The following KLHL32 variants were observed in gnomAD, a reference collection of about 807,000 sequenced individuals.
KLHL32 encodes the protein kelch-like protein 32.
A neutral mutation model predicts 64.8 loss-of-function variants in KLHL32; 35 were observed. The ratio of observed to expected loss-of-function variants is 0.54; its 90% CI spans 0.41 to 0.72. The LOEUF (loss-of-function observed/expected upper bound fraction) is 0.72, where lower values mean the gene tolerates loss of function less well. KLHL32 is among the 30% of genes least tolerant of loss of function. The probability of loss-of-function intolerance (pLI) is 0.00; values close to 1 mark genes in which losing one functional copy is unlikely to be tolerated. For missense variants in KLHL32, 589 were observed against 768.5 expected, an observed-to-expected ratio of 0.77 and a Z score of 2.76; for synonymous variants, 259 against 281.0, an observed-to-expected ratio of 0.92 and a Z score of 0.78.
At chr6:97,026,889 C>T (rs1047130195) in intron 3 of KLHL32, among the ~76,000 whole-genome samples, 6 of 151,996 alleles carry the variant, frequency 3.9e-5, no homozygotes, top group African/African-American at 7.2e-5. Flanking sequence ...CAGGGCTGGG[C>T]GTAGTGGCTT....
upstream of KLHL32, among the ~76,000 whole-genome samples, chr6:96,921,730 G>C (rs1406788086): frequency 6.6e-6 from 1 of 152,188 alleles, no homozygotes. Context: ...TCATGATGTA[G>C]TTTTAGCTAG....
At chr6:96,939,890 T>C (rs979168006) in intron 1 of KLHL32, among the ~76,000 whole-genome samples, 9 of 151,996 alleles carry the variant, frequency 5.9e-5, no homozygotes, top group African/African-American at 1.9e-4. Flanking sequence ...TCAAAGGTCA[T>C]AGAAGTAGCT....
At chr6:97,059,827 G>T (rs1178528539) in intron 4 of KLHL32, among the ~76,000 whole-genome samples, 1 of 151,964 alleles carries the variant, frequency 6.6e-6, no homozygotes, top group Admixed American at 6.6e-5. Context: ...AGCTATTTAT[G>T]CTGTTGTATC....
chr6:96,919,642 T>C (rs1453137038), upstream of KLHL32, among the ~76,000 whole-genome samples: 8 of 152,190 alleles, frequency 5.3e-5, no homozygotes, highest in African/African-American at 1.7e-4. Flanking sequence ...AAAAGTGTTA[T>C]AATAGCCACT....
intron 4 of KLHL32, among the ~76,000 whole-genome samples, chr6:97,051,148 G>A (rs1786837868): frequency 6.6e-6 from 1 of 152,240 alleles, no homozygotes; most frequent in Non-Finnish European, 1.5e-5. Context: ...CATGCACACT[G>A]ATAACACTGT....
chr6:97,058,890 C>G (rs116550160), intron 4 of KLHL32, among the ~76,000 whole-genome samples: 3,075 of 152,316 alleles, frequency 0.02, 112 homozygotes, highest in African/African-American at 0.07. Context: ...TTTGTTTAAG[C>G]TGCTTTGTTA....
intron 6 of KLHL32, among the ~76,000 whole-genome samples, chr6:97,100,227 TC>T: frequency 6.6e-6 from 1 of 152,284 alleles, no homozygotes; most frequent in African/African-American, 2.4e-5. Flanking sequence ...GATTCATAGT[TC>T]CCTAGTTTTT....
intron 1 of KLHL32, among the ~76,000 whole-genome samples, chr6:96,938,789 A>G (rs1770928303): frequency 6.6e-6 from 1 of 152,056 alleles, no homozygotes; most frequent in South Asian, 2.1e-4. Context: ...GGACAGTTAC[A>G]CCCACCCTGC....
intron 3 of KLHL32, among the ~76,000 whole-genome samples, chr6:97,020,548 G>A (rs1231005756): frequency 6.6e-6 from 1 of 150,722 alleles, no homozygotes; most frequent in Non-Finnish European, 1.5e-5. Context: ...CTTAATAGCT[G>A]ATTCCTATAT....
the KLHL32 span, among the ~76,000 whole-genome samples, chr6:96,908,222 G>A: frequency 1.3e-5 from 2 of 152,174 alleles, no homozygotes; most frequent in Non-Finnish European, 2.9e-5. Context: ...GAAATTTCAA[G>A]ATAAGTCAAA....
chr6:97,132,802 T>C (rs374656737), intron 10 of KLHL32, 55 bp downstream of exon 10: 2 of 1,231,606 alleles, frequency 1.6e-6, no homozygotes, highest in African/African-American at 3.1e-5. Context: ...CGAGGTTACA[T>C]TTTGCAATGC....
chr6:97,024,576 T>C (rs976159351), intron 3 of KLHL32, among the ~76,000 whole-genome samples: 4 of 152,216 alleles, frequency 2.6e-5, no homozygotes, highest in Non-Finnish European at 5.9e-5. Flanking sequence ...AGAGCCATCA[T>C]CATATTCTTC....
chr6:96,970,554 C>T (rs1774999810), intron 2 of KLHL32, among the ~76,000 whole-genome samples: 1 of 152,204 alleles, frequency 6.6e-6, no homozygotes, highest in Non-Finnish European at 1.5e-5. Context: ...AACTGCCCTA[C>T]TACACTGAAT....
At chr6:97,051,706 C>T (rs1786935244) in intron 4 of KLHL32, among the ~76,000 whole-genome samples, 1 of 152,116 alleles carries the variant, frequency 6.6e-6, no homozygotes, top group Non-Finnish European at 1.5e-5. Flanking sequence ...TTCGATCCTT[C>T]CTTTAGGTGC....
At chr6:97,054,008 T>C (rs1192835174) in intron 4 of KLHL32, among the ~76,000 whole-genome samples, 2 of 152,134 alleles carry the variant, frequency 1.3e-5, no homozygotes, top group Non-Finnish European at 2.9e-5. Context: ...TAAAATAGAA[T>C]TCTTGAGCCC....
At chr6:96,988,682 T>G (rs1390016257) in intron 3 of KLHL32, among the ~76,000 whole-genome samples, 1 of 152,184 alleles carries the variant, frequency 6.6e-6, no homozygotes, top group Non-Finnish European at 1.5e-5. Flanking sequence ...CTATTCACAA[T>G]AGCAAAGACT....
At chr6:97,048,181 G>A (rs968307456) in intron 4 of KLHL32, among the ~76,000 whole-genome samples, 11 of 152,142 alleles carry the variant, frequency 7.2e-5, no homozygotes, top group African/African-American at 1.9e-4. Context: ...TGATAGTGAC[G>A]TTTATAGTCC....
chr6:96,968,693 C>T (rs1053265596), intron 2 of KLHL32, among the ~76,000 whole-genome samples: 1 of 152,200 alleles, frequency 6.6e-6, no homozygotes, highest in Admixed American at 6.5e-5. Context: ...CAGACTCTCC[C>T]ACTGTGCCAT....
At chr6:97,102,710 C>G (rs1028055129) in intron 6 of KLHL32, among the ~76,000 whole-genome samples, 1 of 151,814 alleles carries the variant, frequency 6.6e-6, no homozygotes, top group Non-Finnish European at 1.5e-5. Context: ...ATGAGGAGAC[C>G]AAGAATGGGT....
Sources: allele counts gnomAD v4.1 joint callset (sites outside exome capture counted in the v4.1 genomes callset), GRCh38; gene constraint gnomAD v4.1.1; transcripts MANE v1.5; gene names NCBI Gene and HGNC (gene_info 2026-07-23, HGNC 2026-07-21).